Variants in DYSF observed in about 807,000 individuals in gnomAD.
DYSF encodes dysferlin, also known as dystrophy-associated fer-1-like 1.
DYSF carries 212 observed loss-of-function variants against 274.9 expected under a neutral mutation model. That is an observed-to-expected ratio of 0.77 (90% CI 0.69 to 0.86). DYSF has a LOEUF of 0.86. DYSF is among the 40% of genes least tolerant of loss of function. DYSF has a pLI of 0.00. For missense variants in DYSF, 2,666 were observed against 2,783.2 expected (o/e 0.96, Z 0.95); for synonymous variants, 1,091 against 1,078.7 (o/e 1.01, Z -0.22).
chr2:71,454,211 C>A, intron 1 of DYSF: 2 of 957,578 alleles, frequency 2.1e-6, no homozygotes, highest in Non-Finnish European at 3.2e-6. Flanking sequence ...GCCAGACTGA[C>A]GTTGAGTGTT....
At chr2:71,540,049 A>C (rs532040515) in intron 17 of DYSF, among the ~76,000 whole-genome samples, 1 of 151,742 alleles carries the variant, frequency 6.6e-6, no homozygotes, top group Admixed American at 6.6e-5. Context: ...ATAATTCATG[A>C]GTTTCCTTTT....
chr2:71,662,949 T>C (rs377096297), intron 45 of DYSF, among the ~76,000 whole-genome samples: 4 of 152,048 alleles, frequency 2.6e-5, no homozygotes, highest in African/African-American at 7.3e-5. Flanking sequence ...TGTGTGTGTG[T>C]GCATATTTGT....
chr2:71,633,127 A>T (rs1233106615), intron 41 of DYSF, among the ~76,000 whole-genome samples: 2 of 152,166 alleles, frequency 1.3e-5, no homozygotes, highest in Admixed American at 1.3e-4. Context: ...AGAAATAATT[A>T]AGTGACTTTT....
At chr2:71,662,024 G>A (rs1315214769) in intron 45 of DYSF, among the ~76,000 whole-genome samples, 1 of 152,118 alleles carries the variant, frequency 6.6e-6, no homozygotes, top group African/African-American at 2.4e-5. Context: ...ACAGTGGGTG[G>A]GCGTGTGTCA....
At chr2:71,461,754 T>C (rs1446676326), upstream of DYSF, among the ~76,000 whole-genome samples, 1 of 152,204 alleles carries the variant, frequency 6.6e-6, no homozygotes. Context: ...ACTTGGATGC[T>C]GTGGGCACAC....
intron 41 of DYSF, among the ~76,000 whole-genome samples, chr2:71,630,439 C>A (rs2094294113): frequency 6.6e-6 from 1 of 152,244 alleles, no homozygotes; most frequent in African/African-American, 2.4e-5. Flanking sequence ...AGTTGACCCT[C>A]TCCCACTAGG....
At chr2:71,485,970 C>T (rs371388534) in intron 3 of DYSF, among the ~76,000 whole-genome samples, 9 of 152,100 alleles carry the variant, frequency 5.9e-5, no homozygotes, top group East Asian at 1.9e-4. Flanking sequence ...TGAGCCACCG[C>T]GCCCAGCCCT....
At chr2:71,653,702 C>G (rs974004535) in intron 42 of DYSF, among the ~76,000 whole-genome samples, 32 of 151,196 alleles carry the variant, frequency 2.1e-4, no homozygotes, top group African/African-American at 7.5e-4. Context: ...GGAGATACAC[C>G]TAATGTTAAA....
chr2:71,489,985 A>G (rs893489982), intron 3 of DYSF, among the ~76,000 whole-genome samples: 1 of 152,182 alleles, frequency 6.6e-6, no homozygotes, highest in Non-Finnish European at 1.5e-5. Flanking sequence ...ATGCCTGCTC[A>G]GTGCTTGGAA....
intron 3 of DYSF, among the ~76,000 whole-genome samples, chr2:71,496,030 T>C (rs1383353940): frequency 2.0e-5 from 3 of 151,670 alleles, no homozygotes; most frequent in East Asian, 4.0e-4. Flanking sequence ...TGCACCCTTC[T>C]CTTCCACCTC....
chr2:71,469,965 A>G (rs1424051124), intron 1 of DYSF, among the ~76,000 whole-genome samples: 3 of 152,160 alleles, frequency 2.0e-5, no homozygotes, highest in Admixed American at 2.0e-4. Context: ...CTGAGTACCT[A>G]CTACGTGCCT....
At chr2:71,530,155 A>T (rs1182608871) in intron 14 of DYSF, among the ~76,000 whole-genome samples, 1 of 145,902 alleles carries the variant, frequency 6.9e-6, no homozygotes, top group Non-Finnish European at 1.6e-5. Flanking sequence ...GCCTGGCATC[A>T]GGAGGAATGG....
chr2:71,612,745 C>T lies in DYSF; in HGVS notation c.4326C>T (p.Ser1442=). The change falls in exon 39 of 56, where the codon TCC becomes TCT. Residue 1442 remains serine, a synonymous_variant. Transcript: ENST00000410020. ...RPVVGQCTIR[S]LESFLCDPYS... is the part of the protein sequence containing the mutation. ...TGGTGGGCCAGTGTACCATCCGCTC[C>T]CTGGAGAGCTTCCTGTGTGACCCCT... The T allele has an allele frequency of 6.2e-7, 1 of 1,614,182 alleles. No individual in the cohort carries two copies. Among genetic ancestry groups the T allele is most frequent in the Non-Finnish European group, 8.5e-7 (1 of 1,180,026 alleles).
intron 47 of DYSF, 137 bp downstream of exon 47, chr2:71,665,441 C>A: frequency 9.3e-7 from 1 of 1,076,302 alleles, no homozygotes; most frequent in Non-Finnish European, 1.4e-6. Flanking sequence ...CAGGGCAGCA[C>A]AGATGGGCTC....
intron 43 of DYSF, 67 bp from the exon 44 acceptor site, chr2:71,658,811 T>G: frequency 6.3e-7 from 1 of 1,598,212 alleles, no homozygotes; most frequent in Non-Finnish European, 8.6e-7. Flanking sequence ...GAGATTTGGG[T>G]GGGGACACAG....
At chr2:71,555,890 G>A in intron 21 of DYSF, 75 bp from the exon 22 acceptor site, 1 of 1,202,822 alleles carries the variant, frequency 8.3e-7, no homozygotes. Context: ...GCAGTGACAA[G>A]GCCTGGGGGT....
intron 32 of DYSF, among the ~76,000 whole-genome samples, chr2:71,598,055 A>G (rs1220313085): frequency 6.6e-6 from 1 of 152,070 alleles, no homozygotes; most frequent in African/African-American, 2.4e-5. Context: ...CCTCCCTAAC[A>G]CATTTCACTG....
At chr2:71,639,341 T>A (rs1325905414) in intron 41 of DYSF, among the ~76,000 whole-genome samples, 2 of 152,310 alleles carry the variant, frequency 1.3e-5, no homozygotes, top group Admixed American at 1.3e-4. Context: ...TTAAAAATTT[T>A]TAATTTTTAA....
intron 40 of DYSF, among the ~76,000 whole-genome samples, chr2:71,614,787 T>C (rs540849686): frequency 1.1e-3 from 164 of 152,282 alleles, no homozygotes; most frequent in Non-Finnish European, 2.2e-3. Flanking sequence ...GGTTGATGGA[T>C]GGATGGACGA....
Sources: allele counts gnomAD v4.1 joint callset (sites outside exome capture counted in the v4.1 genomes callset), GRCh38; gene constraint gnomAD v4.1.1; transcripts MANE v1.5; gene names NCBI Gene and HGNC (gene_info 2026-07-23, HGNC 2026-07-21).